The following TNPO3 variants were observed in gnomAD, a reference collection of about 807,000 sequenced individuals.
The protein encoded by TNPO3 is transportin-3.
A neutral mutation model predicts 122.8 loss-of-function variants in TNPO3; 65 were observed. That is an observed-to-expected ratio of 0.53 (90% confidence interval 0.43 to 0.65). The LOEUF (loss-of-function observed/expected upper bound fraction) is 0.65. TNPO3 is among the 30% of genes least tolerant of loss of function. The pLI, the probability that TNPO3 is intolerant of heterozygous loss-of-function variation, is 0.00. For synonymous variants in TNPO3, 372 were observed against 411.2 expected, an observed-to-expected ratio of 0.90 and a Z score of 1.15; for missense variants, 850 against 1,136.7, an observed-to-expected ratio of 0.75 and a Z score of 3.63.
chr7:129,005,167 G>A lies in TNPO3; in HGVS notation c.553-8C>T. 1 of 1,606,216 alleles carries A rather than the reference G, an allele frequency of 6.2e-7. No homozygotes were observed. Among genetic ancestry groups the A allele is most frequent in the Non-Finnish European group, 8.5e-7 (1 of 1,176,916 alleles). On this transcript the variant is annotated splice_polypyrimidine_tract_variant and splice_region_variant and intron_variant, in intron 4 of 22. Coordinates refer to ENST00000265388, the MANE Select transcript of TNPO3 (RefSeq NM_012470.4). The stretch of plus-strand genomic sequence containing the variant: ...TTTTTCTACACAGGTCATCTGAATA[G>A]AGAAAAAAACTTAAAATGAATAATG...
chr7:129,005,396 G>A (rs1584567334), intron 4 of TNPO3, among the ~76,000 whole-genome samples: 1 of 151,892 alleles, frequency 6.6e-6, no homozygotes, highest in South Asian at 2.1e-4. Context: ...AGGCACCACT[G>A]TTCTAAATAC....
chr7:128,984,028 C>A, intron 13 of TNPO3, 140 bp downstream of exon 13: 1 of 514,424 alleles, frequency 1.9e-6, no homozygotes, highest in Non-Finnish European at 3.4e-6. Context: ...ACTTTGATTA[C>A]ATTAATTTTA....
rs1025949569 is a variant in TNPO3 at position 129,051,372 on chromosome 7, T to G, written c.120+3279A>C. 3.2e-3 allele frequency among the ~76,000 whole-genome samples: 410 copies of G among 129,224 alleles called. 2 individuals are homozygous for G. Among genetic ancestry groups the G allele is most frequent in the African/African-American group, 0.011 (391 of 35,356 alleles). The allele number at this position is 129,224 out of a possible 152,430, so 84.8% of individuals were successfully genotyped here. A position where few individuals can be genotyped will look rare whatever the true frequency, so the allele number is the denominator to read the frequency against. ...GGTGTGGTGACTTTTTTTTTTTTTT[T>G]GTACAATCTTGCTGTTTCCCAGGCT... is the stretch of plus-strand genomic sequence containing the variant. On this transcript the variant is annotated intron_variant, in intron 1 of 22. Coordinates refer to ENST00000265388, the MANE Select transcript of TNPO3 (RefSeq NM_012470.4).
chr7:129,043,382 G>A (rs1465554322), intron 1 of TNPO3, among the ~76,000 whole-genome samples: 3 of 152,086 alleles, frequency 2.0e-5, no homozygotes, highest in Admixed American at 6.6e-5. Flanking sequence ...TCCAGACTGC[G>A]TGACAGAGTG....
At chr7:129,046,195 C>CAAAAAAAA (rs5887409) in intron 1 of TNPO3, among the ~76,000 whole-genome samples, 15 of 79,272 alleles carry the variant, frequency 1.9e-4, no homozygotes, top group Non-Finnish European at 2.8e-4. Context: ...GACTCCGTCT[C>CAAAAAAAA]AAAAAAAAAA....
At chr7:129,014,391 C>T (rs773005475) in intron 4 of TNPO3, among the ~76,000 whole-genome samples, 19 of 151,998 alleles carry the variant, frequency 1.3e-4, no homozygotes, top group Non-Finnish European at 2.4e-4. Flanking sequence ...GGCATGGTGG[C>T]GCACACCTGT....
intron 19 of TNPO3, among the ~76,000 whole-genome samples, chr7:128,972,090 GCCTAGGCGACA>G (rs2128994680): frequency 6.6e-6 from 1 of 152,310 alleles, no homozygotes; most frequent in Non-Finnish European, 1.5e-5. Flanking sequence ...CTGTACTCCA[GCCTAGGCGACA>G]GAGCAAGACC....
intron 19 of TNPO3, among the ~76,000 whole-genome samples, chr7:128,971,913 C>T (rs1473717130): frequency 2.0e-5 from 3 of 152,102 alleles, no homozygotes; most frequent in Non-Finnish European, 4.4e-5. Context: ...CAATCAAATA[C>T]TGGAGGCCAA....
intron 16 of TNPO3, among the ~76,000 whole-genome samples, chr7:128,977,530 C>T (rs930863017): frequency 1.3e-5 from 2 of 152,164 alleles, no homozygotes; most frequent in Non-Finnish European, 2.9e-5. Context: ...CACCAGCATG[C>T]CTGTGCCTGT....
At chr7:129,044,263 C>T (rs1278700845) in intron 1 of TNPO3, among the ~76,000 whole-genome samples, 1 of 152,136 alleles carries the variant, frequency 6.6e-6, no homozygotes, top group Non-Finnish European at 1.5e-5. Flanking sequence ...TGGAGCCTTG[C>T]TCAAAACATC....
chr7:128,963,713 A>G (rs1293598671), intron 21 of TNPO3, among the ~76,000 whole-genome samples: 1 of 152,248 alleles, frequency 6.6e-6, no homozygotes, highest in African/African-American at 2.4e-5. Flanking sequence ...TAACATTAAC[A>G]AAATTGCTGG....
At chr7:129,044,849 T>C (rs1007597683) in intron 1 of TNPO3, among the ~76,000 whole-genome samples, 1 of 152,212 alleles carries the variant, frequency 6.6e-6, no homozygotes, top group Non-Finnish European at 1.5e-5. Flanking sequence ...GCAATTCTAA[T>C]TCTAGGTATA....
chr7:129,021,082 G>A (rs546675577), intron 1 of TNPO3, among the ~76,000 whole-genome samples: 34 of 151,934 alleles, frequency 2.2e-4, no homozygotes, highest in Non-Finnish European at 3.4e-4. Flanking sequence ...TTGGCCGGGC[G>A]CGGTGGCTCA....
Position 129,039,135 on chromosome 7 carries a change from T to C in TNPO3, c.120+15516A>G, listed in dbSNP as rs976060829. 9.9e-5 allele frequency among the ~76,000 whole-genome samples: 15 copies of C among 152,276 alleles called. No homozygotes were observed. The East Asian group carries it at 2.9e-3, about 29-fold the overall frequency. ...CACTTCATACCCACCAGGATGGCTATAATCAAAAAGACAGACAACAACAAG... is the reference window on the plus strand; with the variant it reads ...CACTTCATACCCACCAGGATGGCTACAATCAAAAAGACAGACAACAACAAG... On this transcript the variant is annotated intron_variant, in intron 1 of 22. Coordinates refer to ENST00000265388, the MANE Select transcript of TNPO3 (RefSeq NM_012470.4).
At position 129,009,275 on chromosome 7, in the gene TNPO3, G is replaced by A. The variant is rs576052914; in HGVS notation, c.553-4116C>T. ...TCAAAAAGTTCAACACCATGTTTAG[G>A]AATGGGTCCATTAGGACAGACCACA... On this transcript the variant is annotated intron_variant, in intron 4 of 22. Coordinates refer to ENST00000265388, the MANE Select transcript of TNPO3 (RefSeq NM_012470.4). Among the ~76,000 whole-genome samples the A allele has an allele frequency of 2.2e-4, 33 of 152,336 alleles. 1 individual carries two copies. The highest frequency in any genetic ancestry group is 1.2e-4 in the Non-Finnish European group (8 of 68,026).
intron 1 of TNPO3, among the ~76,000 whole-genome samples, chr7:129,046,686 G>C (rs960700067): frequency 2.0e-5 from 3 of 152,160 alleles, no homozygotes; most frequent in African/African-American, 7.2e-5. Context: ...ACCCAAGCCT[G>C]GGTAATTTAT....
Position 129,039,419 on chromosome 7 carries a change from G to A in TNPO3, c.120+15232C>T, listed in dbSNP as rs116271796. Among the ~76,000 whole-genome samples, 1,250 of 152,168 alleles carry A rather than the reference G, an allele frequency of 8.2e-3. 16 individuals carry two copies. Among genetic ancestry groups the A allele is most frequent in the African/African-American group, 0.029 (1,202 of 41,490 alleles). ...TCTAGAAAAAATACAAATTAGCTGGGCATGGTAGTGTGCACCTGTAGTCCC... is the reference window on the plus strand; with the variant it reads ...TCTAGAAAAAATACAAATTAGCTGGACATGGTAGTGTGCACCTGTAGTCCC... On this transcript the variant is annotated intron_variant, in intron 1 of 22. Coordinates refer to ENST00000265388, the MANE Select transcript of TNPO3 (RefSeq NM_012470.4).
chr7:129,011,328 T>C (rs1803164647), intron 4 of TNPO3, among the ~76,000 whole-genome samples: 7 of 152,164 alleles, frequency 4.6e-5, no homozygotes, highest in Admixed American at 4.6e-4. Context: ...ATATTCTTTG[T>C]AAAAAGTATC....
intron 7 of TNPO3, 149 bp downstream of exon 7, chr7:129,000,280 A>G: frequency 1.2e-6 from 1 of 831,058 alleles, no homozygotes; most frequent in Non-Finnish European, 1.8e-6. Context: ...TAATTTTTTT[A>G]AAAAATTCCA....
Sources: gnomAD v4.1 joint callset for allele counts (sites outside exome capture counted in the v4.1 genomes callset) on GRCh38, gnomAD v4.1.1 for gene constraint, MANE v1.5 for transcripts, NCBI Gene and HGNC (gene_info 2026-07-23, HGNC 2026-07-21) for gene names.